The following CNOT6 variants were observed in gnomAD, a reference collection of about 807,000 sequenced individuals.
CNOT6 encodes the protein carbon catabolite repression 4 protein.
Under a neutral mutation model 61.2 loss-of-function variants are expected in CNOT6, and 12 were observed. The ratio of observed to expected loss-of-function variants is 0.20; its 90% CI spans 0.13 to 0.32. CNOT6 has a LOEUF of 0.32. CNOT6 is among the 10% of genes least tolerant of loss of function. CNOT6 has a pLI of 1.00. For missense variants in CNOT6, 405 were observed against 663.9 expected (o/e 0.61, Z 4.28); for synonymous variants, 225 against 240.6 (o/e 0.94, Z 0.60).
chr5:180,542,368 C>T (rs1759093287), intron 2 of CNOT6, among the ~76,000 whole-genome samples: 1 of 151,864 alleles, frequency 6.6e-6, no homozygotes, highest in Admixed American at 6.6e-5. Flanking sequence ...GGGTTCACAC[C>T]ATCCTCCTGC....
rs199836263 is a variant in CNOT6, at chr5:180,508,816, A to ATTT, written c.-3+14055_-3+14057dup. Among the ~76,000 whole-genome samples, 915 of 113,106 alleles carry ATTT rather than the reference A, an allele frequency of 8.1e-3. 9 individuals carry two copies. Among genetic ancestry groups the ATTT allele is most frequent in the African/African-American group, 0.036 (881 of 24,320 alleles). The allele number at this position is 113,106 out of a possible 152,430, so 74.2% of individuals were successfully genotyped here. A position where few individuals can be genotyped will look rare whatever the true frequency, so the allele number is the denominator to read the frequency against. ...GTATCTTATTTTAATTAATTAATTAATTTTATTATTATTATTATTTTTTTT... is the reference window on the plus strand; with the variant it reads ...GTATCTTATTTTAATTAATTAATTAATTTTTTTATTATTATTATTATTTTTTTT... On this transcript the variant is annotated intron_variant, in intron 1 of 11. Coordinates refer to ENST00000261951, the MANE Select transcript of CNOT6 (RefSeq NM_001370472.1).
At chr5:180,523,913 T>C (rs949279849) in intron 1 of CNOT6, among the ~76,000 whole-genome samples, 2 of 152,184 alleles carry the variant, frequency 1.3e-5, no homozygotes, top group African/African-American at 4.8e-5. Flanking sequence ...AGGATGGCCA[T>C]AGGTTTTGTA....
chr5:180,531,296 C>G (rs1758359221), intron 2 of CNOT6, among the ~76,000 whole-genome samples: 1 of 150,846 alleles, frequency 6.6e-6, no homozygotes, highest in African/African-American at 2.5e-5. Flanking sequence ...ACGCTTCTCA[C>G]CTCCCAGACG....
At chr5:180,518,225 T>C (rs1757734435) in intron 1 of CNOT6, among the ~76,000 whole-genome samples, 1 of 152,198 alleles carries the variant, frequency 6.6e-6, no homozygotes, top group African/African-American at 2.4e-5. Context: ...GGACCCCTTC[T>C]AGCTGGCTTC....
chr5:180,563,775 T>C (rs1397338711), intron 4 of CNOT6, among the ~76,000 whole-genome samples: 1 of 152,234 alleles, frequency 6.6e-6, no homozygotes, highest in Admixed American at 6.5e-5. Flanking sequence ...CATGAAACCC[T>C]GCGCTGCACT....
At chr5:180,568,091 A>C in intron 9 of CNOT6, 88 bp downstream of exon 9, 1 of 1,374,240 alleles carries the variant, frequency 7.3e-7, no homozygotes, top group Non-Finnish European at 9.8e-7. Context: ...TTGTGTATTC[A>C]TGGTCTTGTC....
At chr5:180,498,267 A>C (rs1355739326) in intron 1 of CNOT6, among the ~76,000 whole-genome samples, 1 of 152,118 alleles carries the variant, frequency 6.6e-6, no homozygotes, top group Non-Finnish European at 1.5e-5. Flanking sequence ...TGGTAACTTC[A>C]GTTACACGTT....
intron 1 of CNOT6, among the ~76,000 whole-genome samples, chr5:180,515,015 T>A (rs2127706973): frequency 6.6e-6 from 1 of 152,236 alleles, no homozygotes; most frequent in South Asian, 2.1e-4. Flanking sequence ...GTTTCCGTGT[T>A]GAGGAGGGCT....
intron 2 of CNOT6, among the ~76,000 whole-genome samples, chr5:180,531,662 G>T (rs540225937): frequency 6.6e-6 from 1 of 152,300 alleles, no homozygotes; most frequent in South Asian, 2.1e-4. Context: ...GTAGCGAGCC[G>T]AGATCACGCC....
At chr5:180,542,048 A>C (rs1442307390) in intron 2 of CNOT6, among the ~76,000 whole-genome samples, 2 of 151,944 alleles carry the variant, frequency 1.3e-5, no homozygotes, top group African/African-American at 4.8e-5. Context: ...TCCAGCGTGC[A>C]TTGTTTCTGA....
In CNOT6 at chr5:180,529,311, G is replaced by A. The variant is rs200597146; in HGVS notation, c.35G>A (p.Arg12Gln). 15 of 1,613,306 alleles carry A rather than the reference G, an allele frequency of 9.3e-6. No homozygotes were observed. Among genetic ancestry groups the A allele is most frequent in the Admixed American group, 5.0e-5 (3 of 59,968 alleles). Residue 12 changes from arginine (R) to glutamine (Q), a missense_variant, in exon 2 of 12, where the codon CGG becomes CAG. Physicochemically the swap from Arg to Gln is conservative, Grantham distance 43. Transcript: ENST00000261951. ...GAAAAATACGAGCCCCCTGACCCTC[G>A]GAGGATGTATACAATTATGTCTTCT... ...PKEKYEPPDPRRMYTIMSSEE... is the reference protein window; with the variant it reads ...PKEKYEPPDPQRMYTIMSSEE...
intron 2 of CNOT6, among the ~76,000 whole-genome samples, chr5:180,536,520 A>G (rs553857571): frequency 6.6e-6 from 1 of 151,862 alleles, no homozygotes; most frequent in East Asian, 2.0e-4. Flanking sequence ...ATGGAGTGGT[A>G]TAATCTCAAA....
rs568358611 is a variant in CNOT6 at position 180,574,310 on chromosome 5, G to A, written c.*110G>A. 15 of 870,540 alleles carry A rather than the reference G, an allele frequency of 1.7e-5. No homozygotes were observed. In the African/African-American group the frequency reaches 1.8e-4, roughly 11 times the overall value. The allele number at this position is 870,540 out of a possible 1,614,324, so 53.9% of individuals were successfully genotyped here. ...ATTTTTGCTTGCTTAAGAATGATTT[G>A]GACTTTCAATCTGATTATTTGATAA... On this transcript the variant is annotated 3_prime_UTR_variant, in exon 12 of 12. Coordinates refer to ENST00000261951, the MANE Select transcript of CNOT6 (RefSeq NM_001370472.1).
chr5:180,517,355 G>A (rs1390869919), intron 1 of CNOT6, among the ~76,000 whole-genome samples: 1 of 151,726 alleles, frequency 6.6e-6, no homozygotes, highest in Non-Finnish European at 1.5e-5. Flanking sequence ...TCTTGAATTC[G>A]TGGGCTCAAG....
intron 1 of CNOT6, among the ~76,000 whole-genome samples, chr5:180,512,341 G>A (rs1757433621): frequency 6.6e-6 from 1 of 152,190 alleles, no homozygotes; most frequent in Non-Finnish European, 1.5e-5. Flanking sequence ...CTAAATGCTT[G>A]GAGATAGGGA....
intron 1 of CNOT6, among the ~76,000 whole-genome samples, chr5:180,518,562 A>T (rs1290895068): frequency 1.4e-4 from 22 of 152,194 alleles, no homozygotes; most frequent in Admixed American, 1.4e-3. Flanking sequence ...TCTGTCACCC[A>T]GGCTGGAGTG....
intron 1 of CNOT6, among the ~76,000 whole-genome samples, chr5:180,518,891 C>T (rs1757765043): frequency 6.6e-6 from 1 of 152,018 alleles, no homozygotes; most frequent in South Asian, 2.1e-4. Flanking sequence ...AAAACATTTT[C>T]TTGTAGAGAC....
chr5:180,513,415 G>T (rs1757487812), intron 1 of CNOT6, among the ~76,000 whole-genome samples: 1 of 151,914 alleles, frequency 6.6e-6, no homozygotes, highest in Non-Finnish European at 1.5e-5. Context: ...CTGTCGCCCA[G>T]CCTGGAGTCT....
chr5:180,547,888 C>G (rs1343901757), intron 2 of CNOT6, among the ~76,000 whole-genome samples: 1 of 152,084 alleles, frequency 6.6e-6, no homozygotes, highest in Non-Finnish European at 1.5e-5. Flanking sequence ...CGCCCACCAG[C>G]ATACCTGGCT....
Sources: gnomAD v4.1 joint callset for allele counts (sites outside exome capture counted in the v4.1 genomes callset) on GRCh38, gnomAD v4.1.1 for gene constraint, MANE v1.5 for transcripts, NCBI Gene and HGNC (gene_info 2026-07-23, HGNC 2026-07-21) for gene names.